Variants in GLT1D1 observed in about 807,000 individuals in gnomAD.
GLT1D1 encodes the protein glycosyltransferase 1 domain-containing protein 1.
GLT1D1 carries 21 observed loss-of-function variants against 28.7 expected under a neutral mutation model. The observed-to-expected ratio is 0.73, with a 90% CI of 0.52 to 1.05. GLT1D1 has a LOEUF of 1.05. GLT1D1 is among the 50% of genes least tolerant of loss of function. The pLI is 0.00. For missense variants in GLT1D1, 343 were observed against 330.6 expected, an observed-to-expected ratio of 1.04 and a Z score of -0.29; for synonymous variants, 147 against 124.8, an observed-to-expected ratio of 1.18 and a Z score of -1.19.
At chr12:128,978,038 G>A (rs1879949669) in intron 7 of GLT1D1, among the ~76,000 whole-genome samples, 1 of 151,850 alleles carries the variant, frequency 6.6e-6, no homozygotes, top group Non-Finnish European at 1.5e-5. Context: ...GCCCACTTCA[G>A]CCTCCCAAAA....
chr12:128,946,312 CA>C (rs1346840687), intron 5 of GLT1D1, among the ~76,000 whole-genome samples: 1 of 152,130 alleles, frequency 6.6e-6, no homozygotes, highest in African/African-American at 2.4e-5. Flanking sequence ...GCTTTTGTGA[CA>C]TTATCGTCTC....
At chr12:128,935,138 T>C (rs1029476981) in intron 4 of GLT1D1, among the ~76,000 whole-genome samples, 6 of 152,220 alleles carry the variant, frequency 3.9e-5, no homozygotes, top group African/African-American at 1.4e-4. Context: ...GTGTGGACTT[T>C]TGCACTGGCC....
chr12:128,870,745 A>G (rs1593058365), intron 1 of GLT1D1, among the ~76,000 whole-genome samples: 1 of 152,214 alleles, frequency 6.6e-6, no homozygotes, highest in African/African-American at 2.4e-5. Flanking sequence ...TAATCTCAGC[A>G]CTTTGGGAGG....
rs987775782 is a variant in GLT1D1, at chr12:128,903,339, G to T, written c.375+4052G>T. On this transcript the variant is annotated intron_variant, in intron 4 of 7. Transcript: ENST00000281703. ...TAGGCTCGGCAGGAAGAGAGAACGG[G>T]CCTCAACTCACAAGCACATTCCAGG... Among the ~76,000 whole-genome samples, 6 of 151,740 alleles carry T rather than the reference G, an allele frequency of 4.0e-5. 2 individuals carry two copies.
intron 7 of GLT1D1, among the ~76,000 whole-genome samples, chr12:128,972,410 C>T (rs1879272680): frequency 6.6e-6 from 1 of 152,314 alleles, no homozygotes; most frequent in East Asian, 1.9e-4. Context: ...TCTGCTCATG[C>T]TCCCTTGGCT....
chr12:128,961,328 AAAAG>A (rs1424633657), intron 7 of GLT1D1, among the ~76,000 whole-genome samples: 1 of 152,234 alleles, frequency 6.6e-6, no homozygotes, highest in African/African-American at 2.4e-5. Context: ...TTGTGAATCC[AAAAG>A]AAAGGAGGTC....
At chr12:128,944,296 G>A (rs1875734221) in intron 4 of GLT1D1, 1 of 660,440 alleles carries the variant, frequency 1.5e-6, no homozygotes, top group Non-Finnish European at 2.9e-6. Flanking sequence ...TTCCTGGCTT[G>A]TTTGAGGAAC....
intron 7 of GLT1D1, among the ~76,000 whole-genome samples, chr12:128,961,559 C>CA (rs1877946457): frequency 6.6e-6 from 1 of 152,148 alleles, no homozygotes; most frequent in Non-Finnish European, 1.5e-5. Context: ...ATACGGTAGG[C>CA]AAAGAACGAT....
At chr12:128,908,066 G>A (rs937294090) in intron 4 of GLT1D1, among the ~76,000 whole-genome samples, 2 of 152,158 alleles carry the variant, frequency 1.3e-5, no homozygotes, top group Non-Finnish European at 2.9e-5. Flanking sequence ...AGGGTCACGG[G>A]TTGTTCTTTT....
At chr12:128,901,433 T>G (rs1386235076) in intron 4 of GLT1D1, among the ~76,000 whole-genome samples, 3 of 127,202 alleles carry the variant, frequency 2.4e-5, no homozygotes, top group African/African-American at 9.2e-5. Context: ...TCTCTCTCTC[T>G]CTCTCATTTT....
chr12:128,908,113 G>T (rs990074701), intron 4 of GLT1D1, among the ~76,000 whole-genome samples: 1 of 152,038 alleles, frequency 6.6e-6, no homozygotes. Flanking sequence ...GACGAGTCTT[G>T]TTCTGTCCCC....
At chr12:128,901,917 T>C (rs1262642148) in intron 4 of GLT1D1, among the ~76,000 whole-genome samples, 1 of 151,636 alleles carries the variant, frequency 6.6e-6, no homozygotes, top group Non-Finnish European at 1.5e-5. Flanking sequence ...GTGGCCAAAT[T>C]TGAATTTTCA....
At chr12:128,938,690 A>G (rs1022549694) in intron 4 of GLT1D1, among the ~76,000 whole-genome samples, 1 of 152,242 alleles carries the variant, frequency 6.6e-6, no homozygotes, top group South Asian at 2.1e-4. Context: ...GTAAATGAGA[A>G]TAGAAATTGA....
At chr12:128,967,328 C>G (rs1042001458) in intron 7 of GLT1D1, among the ~76,000 whole-genome samples, 1 of 152,208 alleles carries the variant, frequency 6.6e-6, no homozygotes. Flanking sequence ...ATGTGAGGCC[C>G]GGTAGAAAAC....
At chr12:128,858,865 T>G (rs1271813556) in intron 1 of GLT1D1, among the ~76,000 whole-genome samples, 1 of 152,186 alleles carries the variant, frequency 6.6e-6, no homozygotes, top group East Asian at 1.9e-4. Context: ...TATCTTAACT[T>G]GAACATTTCC....
chr12:128,921,658 C>T (rs562830670), intron 4 of GLT1D1, among the ~76,000 whole-genome samples: 2 of 151,858 alleles, frequency 1.3e-5, no homozygotes, highest in African/African-American at 2.4e-5. Context: ...GATCCCAGGA[C>T]GGGGGTAGTT....
At chr12:128,885,332 C>T (rs972024568) in intron 2 of GLT1D1, among the ~76,000 whole-genome samples, 1 of 152,166 alleles carries the variant, frequency 6.6e-6, no homozygotes, top group East Asian at 1.9e-4. Context: ...AAGCGATTCT[C>T]CTGCCTCAGC....
In GLT1D1 at chr12:128,983,146, A is replaced by C; in HGVS notation, c.*56A>C. 2.6e-6 allele frequency: 4 copies of C among 1,523,940 alleles called. No individual in the cohort carries two copies. Among genetic ancestry groups the C allele is most frequent in the Non-Finnish European group, 2.7e-6 (3 of 1,105,680 alleles). 94.4% of individuals were successfully genotyped at this position (1,523,940 alleles called of 1,614,324 possible). A position where few individuals can be genotyped will look rare whatever the true frequency, so the allele number is the denominator to read the frequency against. ...GACACACAGCTCTGGGTGCACACTC[A>C]GAGACAGAGTTCTGGATCACGTGGG... On this transcript the variant is annotated 3_prime_UTR_variant, in exon 8 of 8. Coordinates refer to ENST00000281703, the MANE Select transcript of GLT1D1 (RefSeq NM_144669.3). This position sits in a 1 kb window ranked among gnomAD's most constrained non-coding sequence, Gnocchi z 4.7.
At chr12:128,977,772 CTTTTTTCTTTTT>C (rs1034831352) in intron 7 of GLT1D1, among the ~76,000 whole-genome samples, 14 of 26,134 alleles carry the variant, frequency 5.4e-4, no homozygotes, top group African/African-American at 1.1e-3. Flanking sequence ...TTTCTTTTTT[CTTTTTTCTTTTT>C]TTTTTTTTTT....
Sources: allele counts gnomAD v4.1 joint callset (sites outside exome capture counted in the v4.1 genomes callset), GRCh38; gene constraint gnomAD v4.1.1; non-coding constraint Gnocchi (gnomAD v3.1); transcripts MANE v1.5; gene names NCBI Gene and HGNC (gene_info 2026-07-23, HGNC 2026-07-21).